DCC: variants seen among roughly 807,000 people sequenced by gnomAD.
The protein encoded by DCC is DCC netrin 1 receptor, also known as netrin receptor DCC.
DCC carries 58 observed loss-of-function variants against 172.5 expected under a neutral mutation model. That is an observed-to-expected ratio of 0.34 (90% CI 0.27 to 0.42). The LOEUF is 0.42. Among genes scored for constraint, DCC ranks in the 10% least tolerant of loss-of-function variants. The pLI, the probability that DCC is intolerant of heterozygous loss-of-function variation, is 1.00. For missense variants in DCC, 1,740 were observed against 1,791.0 expected (o/e 0.97, Z 0.51); for synonymous variants, 709 against 644.5 (o/e 1.10, Z -1.52).
intron 14 of DCC, among the ~76,000 whole-genome samples, chr18:53,332,875 G>C (rs893946789): frequency 1.3e-5 from 2 of 151,912 alleles, no homozygotes; most frequent in African/African-American, 2.4e-5. Flanking sequence ...TCCCAGCCTG[G>C]GCAACACAGG....
intron 2 of DCC, among the ~76,000 whole-genome samples, chr18:52,899,021 C>T (rs2039772803): frequency 6.6e-6 from 1 of 152,178 alleles, no homozygotes; most frequent in Admixed American, 6.5e-5. Context: ...TCACAAATGC[C>T]TTATGGATAG....
chr18:53,426,932 C>G (rs1266890590), intron 21 of DCC, among the ~76,000 whole-genome samples: 1 of 152,086 alleles, frequency 6.6e-6, no homozygotes, highest in African/African-American at 2.4e-5. Context: ...ACTTCCAGAT[C>G]TATAGTCACT....
At chr18:52,911,995 AT>A (rs1598922590) in intron 3 of DCC, among the ~76,000 whole-genome samples, 1 of 152,012 alleles carries the variant, frequency 6.6e-6, no homozygotes, top group Admixed American at 6.6e-5. Flanking sequence ...AAAGGTCTGC[AT>A]ATGGACTCTC....
At chr18:53,010,920 T>C (rs1176795798) in intron 5 of DCC, among the ~76,000 whole-genome samples, 4 of 151,452 alleles carry the variant, frequency 2.6e-5, no homozygotes, top group African/African-American at 7.2e-5. Flanking sequence ...TATTTTATCA[T>C]AATTATTTTA....
At chr18:52,815,473 C>A (rs1001655568) in intron 2 of DCC, among the ~76,000 whole-genome samples, 1 of 152,054 alleles carries the variant, frequency 6.6e-6, no homozygotes, top group African/African-American at 2.4e-5. Context: ...CCCTGCCCCC[C>A]TGTCCCCACC....
intron 12 of DCC, among the ~76,000 whole-genome samples, chr18:53,275,702 G>A (rs2056797488): frequency 6.6e-6 from 1 of 152,078 alleles, no homozygotes; most frequent in African/African-American, 2.4e-5. Flanking sequence ...TATCTCTTAT[G>A]TTTAATTTCC....
chr18:53,183,038 A>G (rs575505219), intron 9 of DCC, among the ~76,000 whole-genome samples: 1 of 152,244 alleles, frequency 6.6e-6, no homozygotes, highest in Admixed American at 6.5e-5. Flanking sequence ...GCTTTTATCA[A>G]TGTTTTCCAA....
intron 1 of DCC, among the ~76,000 whole-genome samples, chr18:52,488,216 A>G (rs1189464327): frequency 6.6e-6 from 1 of 152,108 alleles, no homozygotes; most frequent in African/African-American, 2.4e-5. Flanking sequence ...CTCTTCTTTG[A>G]TTAGCTATGT....
chr18:53,420,953 G>T (rs1910614232), intron 21 of DCC, among the ~76,000 whole-genome samples: 1 of 152,164 alleles, frequency 6.6e-6, no homozygotes, highest in South Asian at 2.1e-4. Context: ...CTGGTTCCTA[G>T]AGTGTGCAGT....
At chr18:52,934,711 TA>T (rs1464271894) in intron 5 of DCC, 2 of 152,090 alleles carry the variant, frequency 1.3e-5, no homozygotes, top group Admixed American at 1.3e-4. Flanking sequence ...AATGAGTAAC[TA>T]AAATTAAATG....
chr18:53,314,729 T>C (rs1014179525), intron 13 of DCC, among the ~76,000 whole-genome samples: 1 of 152,172 alleles, frequency 6.6e-6, no homozygotes, highest in Admixed American at 6.6e-5. Flanking sequence ...TTGAAGGTGT[T>C]TTAAGGATAA....
At chr18:52,576,323 T>G (rs1215537735) in intron 1 of DCC, among the ~76,000 whole-genome samples, 1 of 152,232 alleles carries the variant, frequency 6.6e-6, no homozygotes, top group Non-Finnish European at 1.5e-5. Flanking sequence ...TCCGTAGCCC[T>G]GCTATAATTG....
chr18:52,892,886 T>C (rs2039671699), intron 2 of DCC, among the ~76,000 whole-genome samples: 1 of 152,168 alleles, frequency 6.6e-6, no homozygotes, highest in South Asian at 2.1e-4. Context: ...TACTTCCAAA[T>C]TGAAATTAAA....
chr18:53,285,472 G>T (rs891318816), intron 12 of DCC, among the ~76,000 whole-genome samples: 2 of 152,218 alleles, frequency 1.3e-5, no homozygotes, highest in Non-Finnish European at 2.9e-5. Flanking sequence ...CAGAAGTCAA[G>T]AATTAAGGTT....
chr18:53,381,096 C>G (rs1269315523), intron 15 of DCC, among the ~76,000 whole-genome samples: 2 of 52,454 alleles, frequency 3.8e-5, no homozygotes, highest in African/African-American at 1.1e-4. Context: ...TTTGGAATGA[C>G]AGTTACCTCA....
At chr18:52,582,753 CT>C in intron 1 of DCC, among the ~76,000 whole-genome samples, 1 of 152,294 alleles carries the variant, frequency 6.6e-6, no homozygotes, top group East Asian at 1.9e-4. Context: ...GGAATACTCT[CT>C]TTTATAGCTA....
chr18:53,183,317 G>A (rs1034205647), intron 9 of DCC, among the ~76,000 whole-genome samples: 2 of 152,084 alleles, frequency 1.3e-5, no homozygotes, highest in African/African-American at 4.8e-5. Flanking sequence ...TTTATATGAA[G>A]GTTTGTGTCC....
At chr18:52,424,497 A>C (rs997908441) in intron 1 of DCC, among the ~76,000 whole-genome samples, 1 of 152,168 alleles carries the variant, frequency 6.6e-6, no homozygotes. Context: ...AGATATATTT[A>C]GTGCTTTTAT....
At position 53,131,871 on chromosome 18, in the gene DCC, A is replaced by G. The variant is rs1372070537; in HGVS notation, c.1262-25485A>G. ...GAATTTGTCTTGGTCTTAAAAATAA[A>G]TCGGTGCAAATCAAAATGGATGATT... On this transcript the variant is annotated intron_variant, in intron 7 of 28. Coordinates refer to ENST00000442544, the MANE Select transcript of DCC (RefSeq NM_005215.4). Among the ~76,000 whole-genome samples the G allele has an allele frequency of 2.6e-5, 4 of 151,714 alleles. No individual in the cohort carries two copies. The South Asian group carries it at 6.2e-4, about 24-fold the overall frequency.
Sources: allele counts gnomAD v4.1 joint callset (sites outside exome capture counted in the v4.1 genomes callset), GRCh38; gene constraint gnomAD v4.1.1; transcripts MANE v1.5; gene names NCBI Gene and HGNC (gene_info 2026-07-23, HGNC 2026-07-21).